Variants in DCAF15 observed in about 807,000 individuals in gnomAD.
The protein encoded by DCAF15 is DDB1 and CUL4 associated factor 15.
A neutral mutation model predicts 68.0 loss-of-function variants in DCAF15; 24 were observed. The observed-to-expected ratio is 0.35, with a 90% confidence interval of 0.26 to 0.50. DCAF15 has a LOEUF of 0.50. DCAF15 is among the 20% of genes least tolerant of loss of function. The pLI, the probability that DCAF15 is intolerant of heterozygous loss-of-function variation, is 0.98. For synonymous variants in DCAF15, 376 were observed against 341.6 expected (o/e 1.10, Z -1.11); for missense variants, 627 against 830.6 (o/e 0.75, Z 3.01).
At chr19:13,960,888 G>A (rs374451092) in intron 12 of DCAF15, 52 bp from the exon 13 acceptor site, 32 of 1,610,110 alleles carry the variant, frequency 2.0e-5, no homozygotes, top group East Asian at 4.5e-5. Flanking sequence ...GGGTGTGGCC[G>A]CAGGGCCAGG....
chr19:13,954,505 G>T, intron 2 of DCAF15, 21 bp from the exon 3 acceptor site: 1 of 1,614,068 alleles, frequency 6.2e-7, no homozygotes, highest in East Asian at 2.2e-5. Context: ...CCTGGCCGCT[G>T]TGCCCCCTCC....
chr19:13,959,893 G>GGGGTGGGCCC lies in DCAF15; in HGVS notation c.1438_1439insGGGTGGGCCC (p.Glu480GlyfsTer28), dbSNP rs1973530106. On this transcript the variant is annotated frameshift_variant and splice_region_variant, in exon 9 of 13. Transcript: ENST00000254337. LOFTEE classifies it high-confidence loss of function. ...CAGCGACTATGACATCGTCATTCTG[G>GGGGTGGGCCC]AGGTGGGCCCAGGGCGGGCAGGGTG... 9.9e-7 allele frequency: 1 copy of GGGGTGGGCCC among 1,010,284 alleles called. No homozygotes were observed. Among genetic ancestry groups the GGGGTGGGCCC allele is most frequent in the Non-Finnish European group, 1.4e-6 (1 of 720,468 alleles). The allele number at this position is 1,010,284 out of a possible 1,614,324, so 62.6% of individuals were successfully genotyped here.
At chr19:13,959,555 C>G (rs1010120894) in intron 7 of DCAF15, 27 bp from the exon 8 acceptor site, 1 of 1,611,864 alleles carries the variant, frequency 6.2e-7, no homozygotes. Context: ...CCTCCCTCCA[C>G]CCCACCCCCA....
At position 13,955,968 on chromosome 19, in the gene DCAF15, C is replaced by A; in HGVS notation, c.423C>A (p.Thr141=). 2 of 1,613,930 alleles carry A rather than the reference C, an allele frequency of 1.2e-6. No individual in the cohort carries two copies. The highest frequency in any genetic ancestry group is 1.7e-6 in the Non-Finnish European group (2 of 1,180,012). Residue 141 remains threonine (T), a synonymous_variant, in exon 4 of 13, where the codon ACC becomes ACA. Coordinates refer to ENST00000254337, the MANE Select transcript of DCAF15 (RefSeq NM_138353.4). ...DEEIYSDLYL[T]VCEWPSDASK... ...AGATCTACAGCGACCTGTACCTGAC[C>A]GTATGCGAGTGGCCCAGCGACGCCT...
At position 13,956,024 on chromosome 19, in the gene DCAF15, A is replaced by G. The variant is rs1283483903; in HGVS notation, c.473+6A>G. 1 of 1,612,656 alleles carries G rather than the reference A, an allele frequency of 6.2e-7. No individual in the cohort carries two copies. The highest frequency in any genetic ancestry group is 1.3e-5 in the African/African-American group (1 of 74,742). On this transcript the variant is annotated splice_donor_region_variant and intron_variant, in intron 4 of 12. Coordinates refer to ENST00000254337, the MANE Select transcript of DCAF15 (RefSeq NM_138353.4). ...GTCATCGTCTTCGGCTTCAAGTGAG[A>G]CCAGGCGCCTGGGGGAGCCTTGGCT...
Position 13,959,271 on chromosome 19 carries a change from G to A in DCAF15, c.1011G>A (p.Gly337=). 6.2e-7 allele frequency: 1 copy of A among 1,611,518 alleles called. No individual in the cohort carries two copies. The highest frequency in any genetic ancestry group is 8.5e-7 in the Non-Finnish European group (1 of 1,179,848). Residue 337 remains glycine (G), a synonymous_variant, in exon 7 of 13, where the codon GGG becomes GGA. Transcript: ENST00000254337. The stretch of plus-strand genomic sequence containing the variant: ...GCCGGGCCAAAGAGGCCAAGGGCGG[G>A]GTCCCTGAGGAAGCCCGGCCTGCCC... ...IFRRAKEAKG[G]VPEEARPALC...
Position 13,961,308 on chromosome 19 carries a change from T to C in DCAF15, c.*313T>C. The C allele has an allele frequency of 2.2e-6, 1 of 464,174 alleles. No homozygotes were observed. The highest frequency in any genetic ancestry group is 4.0e-6 in the Non-Finnish European group (1 of 251,696). 28.8% of individuals were successfully genotyped at this position (464,174 alleles called of 1,614,324 possible). Reference sequence around the variant, plus strand: ...CATTTGCCCTTTTCTCGGCTACAGCTGTGGACGTTGCCCTCGGGGAGGTCG... The same window carrying C: ...CATTTGCCCTTTTCTCGGCTACAGCCGTGGACGTTGCCCTCGGGGAGGTCG... On this transcript the variant is annotated 3_prime_UTR_variant, in exon 13 of 13. Transcript: ENST00000254337.
intron 1 of DCAF15, chr19:13,953,181 A>G (rs1323014595): frequency 3.5e-5 from 53 of 1,501,028 alleles, no homozygotes; most frequent in Non-Finnish European, 4.7e-5. Flanking sequence ...CTTCCCCCGC[A>G]GAGTGAGAGT....
At position 13,953,095 on chromosome 19, in the gene DCAF15, C is replaced by T. The variant is rs576714136; in HGVS notation, c.132+451C>T. 1.4e-5 allele frequency: 22 copies of T among 1,550,826 alleles called. No homozygotes were observed. In the East Asian group the frequency reaches 5.4e-4, roughly 38 times the overall value. ...CCTCTCCCTGCCCAAGCCCCGACCA[C>T]ACATGAGCTGGGAGTTCCAGTACCT... is the stretch of plus-strand genomic sequence containing the variant. On this transcript the variant is annotated intron_variant, in intron 1 of 12. Transcript: ENST00000254337.
In DCAF15 at chr19:13,952,883, G is replaced by C; in HGVS notation, c.132+239G>C. On this transcript the variant is annotated intron_variant, in intron 1 of 12. Transcript: ENST00000254337. ...CGGCAAAGGGGCTGGGATGGAGGGGGTTGGGGGCGGGGCCCCAGGGAGGGG... is the reference window on the plus strand; with the variant it reads ...CGGCAAAGGGGCTGGGATGGAGGGGCTTGGGGGCGGGGCCCCAGGGAGGGG... 7.9e-6 allele frequency: 5 copies of C among 636,814 alleles called. No homozygotes were observed. The South Asian group carries it at 9.9e-5, about 13-fold the overall frequency. The allele number at this position is 636,814 out of a possible 1,614,324, so 39.4% of individuals were successfully genotyped here. A position where few individuals can be genotyped will look rare whatever the true frequency, so the allele number is the denominator to read the frequency against.
chr19:13,956,589 C>G, intron 6 of DCAF15, 67 bp downstream of exon 6: 1 of 1,565,336 alleles, frequency 6.4e-7, no homozygotes, highest in Admixed American at 1.7e-5. Context: ...CCCCACCACA[C>G]AGACAAGGGG....
chr19:13,954,977 G>A (rs557832686), intron 3 of DCAF15, among the ~76,000 whole-genome samples: 5 of 152,240 alleles, frequency 3.3e-5, no homozygotes, highest in South Asian at 4.1e-4. Context: ...GCATATTGGC[G>A]TGTGCCTGTA....
In DCAF15 at chr19:13,961,184, T is replaced by C. The variant is rs1973621587; in HGVS notation, c.*189T>C. 3.0e-6 allele frequency: 2 copies of C among 670,918 alleles called. No individual in the cohort carries two copies. The highest frequency in any genetic ancestry group is 5.0e-6 in the Non-Finnish European group (2 of 396,168). 41.6% of individuals were successfully genotyped at this position (670,918 alleles called of 1,614,324 possible). On this transcript the variant is annotated 3_prime_UTR_variant, in exon 13 of 13. Coordinates refer to ENST00000254337, the MANE Select transcript of DCAF15 (RefSeq NM_138353.4). ...GGTCTGGACGCTTTTTATTTATGCC[T>C]ATTTAAGTTGGGAAGGGGCAGAGAG...
Position 13,959,297 on chromosome 19 carries a change from TG to T in DCAF15, c.1038del (p.Cys347AlafsTer16). On this transcript the variant is annotated frameshift_variant, in exon 7 of 13. Transcript: ENST00000254337. LOFTEE classifies it high-confidence loss of function. ...GTCCCTGAGGAAGCCCGGCCTGCCC[TG>T]TGCCCAGGACCCTCTGGCAGCCGCT... is the stretch of plus-strand genomic sequence containing the variant. The part of the protein sequence containing the change: ...GGVPEEARPA[L>X]CPGPSGSRCR... The T allele has an allele frequency of 6.2e-7, 1 of 1,609,440 alleles. No individual in the cohort carries two copies. Among genetic ancestry groups the T allele is most frequent in the South Asian group, 1.1e-5 (1 of 91,072 alleles).
chr19:13,956,915 C>A (rs1973388583), intron 6 of DCAF15, among the ~76,000 whole-genome samples: 1 of 152,196 alleles, frequency 6.6e-6, no homozygotes, highest in South Asian at 2.1e-4. Flanking sequence ...GCCATCATAC[C>A]CAGCTAATTT....
In DCAF15 at chr19:13,960,598, C is replaced by T. The variant is rs1308645142; in HGVS notation, c.1747+18C>T. On this transcript the variant is annotated intron_variant, in intron 12 of 12. Coordinates refer to ENST00000254337, the MANE Select transcript of DCAF15 (RefSeq NM_138353.4). The stretch of plus-strand genomic sequence containing the variant: ...GCACAAAGGTGGGGCTCGGTGACCC[C>T]GTGATGGTCAGGGTCACCAGGAACA... The T allele has an allele frequency of 1.1e-5, 17 of 1,553,704 alleles. No individual in the cohort carries two copies. The highest frequency in any genetic ancestry group is 2.7e-5 in the African/African-American group (2 of 73,866).
chr19:13,960,138 G>C, intron 10 of DCAF15, 69 bp downstream of exon 10: 2 of 1,593,340 alleles, frequency 1.3e-6, no homozygotes, highest in Non-Finnish European at 1.7e-6. Flanking sequence ...CGGTGGGGGT[G>C]TGGGGACGTG....
intron 3 of DCAF15, 53 bp downstream of exon 3, chr19:13,954,714 T>C: frequency 6.2e-7 from 1 of 1,601,466 alleles, no homozygotes; most frequent in South Asian, 1.1e-5. Flanking sequence ...GTTCAGCAGG[T>C]CACAGCAACC....
Position 13,960,386 on chromosome 19 carries a change from G to C in DCAF15, c.1626G>C (p.Gln542His). The change falls in exon 11 of 13, where the codon CAG becomes CAC. Residue 542 changes from glutamine to histidine, a missense_variant. Coordinates refer to ENST00000254337, the MANE Select transcript of DCAF15 (RefSeq NM_138353.4). The part of the protein sequence containing the change: ...SVGDLTEVKG[Q>H]TSGSVWSSYR... ...GCGACCTGACTGAGGTCAAAGGGCAGACCAGGTGAGGCAGGGCTGGGGGGC... is the reference window on the plus strand; with the variant it reads ...GCGACCTGACTGAGGTCAAAGGGCACACCAGGTGAGGCAGGGCTGGGGGGC... 1 of 1,613,972 alleles carries C rather than the reference G, an allele frequency of 6.2e-7. No homozygotes were observed.
Sources: allele counts gnomAD v4.1 joint callset (sites outside exome capture counted in the v4.1 genomes callset), GRCh38; gene constraint gnomAD v4.1.1; transcripts MANE v1.5; gene names NCBI Gene and HGNC (gene_info 2026-07-23, HGNC 2026-07-21).